Variants in ZNF385D observed in about 807,000 individuals in gnomAD.
ZNF385D encodes zinc finger protein 385D, also known as zinc finger protein 659.
Under a neutral mutation model 35.8 loss-of-function variants are expected in ZNF385D, and 15 were observed. That is an observed-to-expected ratio of 0.42 (90% CI 0.28 to 0.64). ZNF385D has a LOEUF of 0.64. ZNF385D is among the 30% of genes least tolerant of loss of function. ZNF385D has a pLI of 0.23. For missense variants in ZNF385D, 474 were observed against 494.6 expected (o/e 0.96, Z 0.39); for synonymous variants, 212 against 186.8 (o/e 1.13, Z -1.10).
intron 3 of ZNF385D, among the ~76,000 whole-genome samples, chr3:21,779,760 C>T (rs2071420860): frequency 6.6e-6 from 1 of 151,896 alleles, no homozygotes; most frequent in African/African-American, 2.4e-5. Context: ...CTATTTAGAA[C>T]TCCAAGTTCC....
intron 3 of ZNF385D, among the ~76,000 whole-genome samples, chr3:22,098,431 G>T (rs533757052): frequency 6.6e-6 from 1 of 152,024 alleles, no homozygotes; most frequent in African/African-American, 2.4e-5. Context: ...TTGGGAGAGG[G>T]GAAGATTTTC....
intron 3 of ZNF385D, among the ~76,000 whole-genome samples, chr3:21,868,722 T>A (rs1697518449): frequency 6.6e-6 from 1 of 152,094 alleles, no homozygotes; most frequent in Non-Finnish European, 1.5e-5. Context: ...ATATGTAAAT[T>A]AGATAGAAAG....
At chr3:21,868,853 A>G (rs1182721316) in intron 3 of ZNF385D, among the ~76,000 whole-genome samples, 1 of 152,132 alleles carries the variant, frequency 6.6e-6, no homozygotes, top group African/African-American at 2.4e-5. Context: ...CATTGTGGAC[A>G]TGTTATCCAT....
chr3:22,222,084 C>G (rs1698291437), intron 2 of ZNF385D, among the ~76,000 whole-genome samples: 1 of 152,022 alleles, frequency 6.6e-6, no homozygotes, highest in Non-Finnish European at 1.5e-5. Flanking sequence ...TCAAGCAATT[C>G]TCCTGCCTCA....
At chr3:21,985,447 C>T (rs1360317931) in intron 3 of ZNF385D, among the ~76,000 whole-genome samples, 1 of 115,480 alleles carries the variant, frequency 8.7e-6, no homozygotes, top group Non-Finnish European at 1.8e-5. Flanking sequence ...GTCTTTGGCT[C>T]TGTTTATATG....
At chr3:22,044,547 A>G (rs140494760) in intron 3 of ZNF385D, among the ~76,000 whole-genome samples, 50 of 152,276 alleles carry the variant, frequency 3.3e-4, no homozygotes, top group African/African-American at 1.1e-3. Context: ...AGCAGGAGAT[A>G]TTATAATGTA....
At chr3:22,019,297 A>G (rs1340338089) in intron 3 of ZNF385D, among the ~76,000 whole-genome samples, 1 of 151,834 alleles carries the variant, frequency 6.6e-6, no homozygotes, top group African/African-American at 2.4e-5. Flanking sequence ...TTTTAAAATT[A>G]TTGTTATACT....
At chr3:22,108,709 T>C (rs926943484) in intron 3 of ZNF385D, among the ~76,000 whole-genome samples, 2 of 151,992 alleles carry the variant, frequency 1.3e-5, no homozygotes, top group East Asian at 3.9e-4. Context: ...CTAAATAAGA[T>C]GAATATAAAA....
chr3:22,194,053 T>G (rs1186350009), intron 2 of ZNF385D, among the ~76,000 whole-genome samples: 1 of 151,934 alleles, frequency 6.6e-6, no homozygotes, highest in Non-Finnish European at 1.5e-5. Flanking sequence ...TATGTTTTAT[T>G]AGAATTTCCT....
chr3:21,426,466 C>A (rs755196229), intron 5 of ZNF385D, among the ~76,000 whole-genome samples: 18 of 152,148 alleles, frequency 1.2e-4, no homozygotes, highest in Non-Finnish European at 2.4e-4. Flanking sequence ...CTTGAGATCA[C>A]TGTAGTTACA....
chr3:21,842,251 C>T (rs1695728581), intron 3 of ZNF385D, among the ~76,000 whole-genome samples: 2 of 151,904 alleles, frequency 1.3e-5, no homozygotes, highest in South Asian at 4.1e-4. Flanking sequence ...AGCAGCTACT[C>T]TCTGGAACAA....
At chr3:21,774,896 C>T (rs573252004) in intron 3 of ZNF385D, among the ~76,000 whole-genome samples, 1 of 151,948 alleles carries the variant, frequency 6.6e-6, no homozygotes, top group South Asian at 2.1e-4. Context: ...AACTAAGGGT[C>T]TAAAACTGAG....
At chr3:22,313,970 A>C (rs1240442305) in intron 2 of ZNF385D, among the ~76,000 whole-genome samples, 2 of 152,160 alleles carry the variant, frequency 1.3e-5, no homozygotes, top group Non-Finnish European at 2.9e-5. Flanking sequence ...GAAGCTCTGC[A>C]TAAGTTCTGA....
chr3:22,079,046 T>C (rs535967489), intron 3 of ZNF385D, among the ~76,000 whole-genome samples: 1 of 152,110 alleles, frequency 6.6e-6, no homozygotes, highest in Admixed American at 6.6e-5. Context: ...ATGAAAGATG[T>C]AGAAGACAGA....
chr3:22,237,941 C>T (rs1034794689), intron 2 of ZNF385D, among the ~76,000 whole-genome samples: 5 of 151,034 alleles, frequency 3.3e-5, no homozygotes, highest in Non-Finnish European at 7.4e-5. Context: ...CACCCCTGGG[C>T]AAATTTAGAC....
intron 3 of ZNF385D, among the ~76,000 whole-genome samples, chr3:21,768,772 TC>T (rs2070946086): frequency 6.6e-6 from 1 of 151,834 alleles, no homozygotes; most frequent in Admixed American, 6.6e-5. Context: ...GAACCCACCG[TC>T]CCCCATTGAA....
intron 3 of ZNF385D, among the ~76,000 whole-genome samples, chr3:21,845,885 A>G (rs973612070): frequency 1.1e-4 from 17 of 152,042 alleles, no homozygotes; most frequent in African/African-American, 4.1e-4. Context: ...TTAGAGATTC[A>G]CACAAAAAAG....
At chr3:21,429,352 A>C (rs1701184664) in intron 5 of ZNF385D, among the ~76,000 whole-genome samples, 1 of 152,100 alleles carries the variant, frequency 6.6e-6, no homozygotes, top group Non-Finnish European at 1.5e-5. Flanking sequence ...GCTTTGCATA[A>C]AATTCCTGTG....
intron 3 of ZNF385D, among the ~76,000 whole-genome samples, chr3:21,759,001 A>AAAAAAAC (rs1559593528): frequency 1.5e-5 from 2 of 133,144 alleles, no homozygotes; most frequent in Admixed American, 7.3e-5. Context: ...AAAAAAAAAA[A>AAAAAAAC]AAAAACAGTG....
Sources: gnomAD v4.1 joint callset for allele counts (sites outside exome capture counted in the v4.1 genomes callset) on GRCh38, gnomAD v4.1.1 for gene constraint, MANE v1.5 for transcripts, NCBI Gene and HGNC (gene_info 2026-07-23, HGNC 2026-07-21) for gene names.